OTOG: variants seen among roughly 807,000 people sequenced by gnomAD.
OTOG encodes the protein otogelin.
In OTOG, 296 loss-of-function variants were observed where a neutral mutation model predicts 313.8. That is an observed-to-expected ratio of 0.94 (90% CI 0.86 to 1.04). The LOEUF (loss-of-function observed/expected upper bound fraction) is 1.04. Among genes scored for constraint, OTOG ranks in the 50% least tolerant of loss-of-function variants. The pLI, the probability that OTOG is intolerant of heterozygous loss-of-function variation, is 0.00. For missense variants in OTOG, 3,948 were observed against 3,840.1 expected (o/e 1.03, Z -0.74); for synonymous variants, 1,533 against 1,554.9 (o/e 0.99, Z 0.33).
intron 53 of OTOG, among the ~76,000 whole-genome samples, 153 bp from the exon 54 acceptor site, chr11:17,643,308 T>A (rs1848010865): frequency 1.3e-5 from 2 of 152,242 alleles, no homozygotes; most frequent in Non-Finnish European, 2.9e-5. Context: ...GTGGCTCTCC[T>A]ATGGCCTGGC....
rs781354670 is a variant in OTOG, at chr11:17,591,563, G to T, written c.2981G>T (p.Gly994Val). ...GATGGGCTCCCGTTTGACTTCGTGG[G>T]GGCATGCAAAGTGCACCTGGTCAAG... Reference protein sequence around the residue: ...TFDGLPFDFVGACKVHLVKST... With the variant: ...TFDGLPFDFVVACKVHLVKST... Residue 994 changes from glycine (G) to valine (V), a missense_variant, in exon 25 of 56, where the codon GGG becomes GTG. Gly to Val is a moderately radical substitution (Grantham distance 109, BLOSUM62 -3). Coordinates refer to ENST00000399397, the MANE Select transcript of OTOG (RefSeq NM_001292063.2). 1.3e-6 allele frequency: 2 copies of T among 1,550,646 alleles called. No homozygotes were observed. Among genetic ancestry groups the T allele is most frequent in the South Asian group, 1.2e-5 (1 of 84,062 alleles).
At chr11:17,572,341 G>C in intron 18 of OTOG, 137 bp downstream of exon 18, 1 of 1,247,972 alleles carries the variant, frequency 8.0e-7, no homozygotes, top group Non-Finnish European at 1.1e-6. Flanking sequence ...GGAGCAGCAG[G>C]GAGGGGAAAG....
At chr11:17,577,314 G>A (rs1852552273) in intron 22 of OTOG, among the ~76,000 whole-genome samples, 1 of 152,196 alleles carries the variant, frequency 6.6e-6, no homozygotes, top group Non-Finnish European at 1.5e-5. Context: ...GAGGTAGGCA[G>A]GACAGCCTGG....
intron 24 of OTOG, among the ~76,000 whole-genome samples, chr11:17,590,999 AC>A (rs1852917870): frequency 1.3e-5 from 2 of 152,188 alleles, no homozygotes; most frequent in Non-Finnish European, 2.9e-5. Flanking sequence ...ACATACTTGC[AC>A]TGCCTTATTA....
At chr11:17,615,529 C>G (rs1370799743) in intron 39 of OTOG, among the ~76,000 whole-genome samples, 1 of 152,100 alleles carries the variant, frequency 6.6e-6, no homozygotes, top group African/African-American at 2.4e-5. Flanking sequence ...GTAAATGGTA[C>G]AAAGTATGAG....
intron 15 of OTOG, among the ~76,000 whole-genome samples, chr11:17,563,688 C>CTT (rs57937716): frequency 5.3e-5 from 8 of 150,002 alleles, no homozygotes; most frequent in African/African-American, 1.7e-4. Context: ...GAATCCCCCC[C>CTT]TTTTTTTTTG....
chr11:17,624,687 G>A (rs899974681), intron 39 of OTOG, among the ~76,000 whole-genome samples: 3 of 151,970 alleles, frequency 2.0e-5, no homozygotes, highest in Admixed American at 6.6e-5. Flanking sequence ...TTCTAGTTCT[G>A]TGAAGAATGT....
At chr11:17,601,152 C>A (rs947837989) in intron 31 of OTOG, among the ~76,000 whole-genome samples, 1 of 152,188 alleles carries the variant, frequency 6.6e-6, no homozygotes, top group Non-Finnish European at 1.5e-5. Flanking sequence ...CTGCTTGTCT[C>A]CCATCTAGTG....
At chr11:17,574,177 G>C (rs1024591478) in intron 19 of OTOG, among the ~76,000 whole-genome samples, 1 of 152,158 alleles carries the variant, frequency 6.6e-6, no homozygotes, top group African/African-American at 2.4e-5. Flanking sequence ...GGAGACTCTG[G>C]GGGGAGTGGG....
At chr11:17,609,575 T>C in intron 35 of OTOG, 80 bp from the exon 36 acceptor site, 1 of 1,289,608 alleles carries the variant, frequency 7.8e-7, no homozygotes, top group South Asian at 1.6e-5. Context: ...TCCTCAAGCC[T>C]CACACCACAG....
chr11:17,606,526 G>A (rs1418872030), intron 33 of OTOG, among the ~76,000 whole-genome samples: 1 of 152,198 alleles, frequency 6.6e-6, no homozygotes, highest in Non-Finnish European at 1.5e-5. Context: ...CTGCACAAGG[G>A]GGATAGGTCT....
intron 30 of OTOG, among the ~76,000 whole-genome samples, chr11:17,599,224 G>T (rs1853185211): frequency 6.6e-6 from 1 of 152,206 alleles, no homozygotes; most frequent in South Asian, 2.1e-4. Context: ...AGAAGCCGGG[G>T]ATGCTGGGGG....
At chr11:17,567,767 G>T (rs1852318000) in intron 15 of OTOG, among the ~76,000 whole-genome samples, 1 of 152,168 alleles carries the variant, frequency 6.6e-6, no homozygotes, top group Non-Finnish European at 1.5e-5. Flanking sequence ...CTTTTGCCTG[G>T]ATGTCTCCTT....
intron 6 of OTOG, among the ~76,000 whole-genome samples, chr11:17,554,928 T>C (rs1852021044): frequency 6.6e-6 from 1 of 152,192 alleles, no homozygotes; most frequent in South Asian, 2.1e-4. Context: ...TTTTGTAAAA[T>C]TTTTAGTTAT....
At chr11:17,635,859 A>G (rs1021933100) in intron 47 of OTOG, 148 bp downstream of exon 47, 11 of 669,870 alleles carry the variant, frequency 1.6e-5, no homozygotes, top group Admixed American at 1.6e-4. Context: ...ATCCAGGACG[A>G]GTGCAGGCCC....
At position 17,589,703 on chromosome 11, in the gene OTOG, C is replaced by T. The variant is rs140264277; in HGVS notation, c.2868-1747C>T. ...AAACTCCCTGAACACTTTTTCTATA[C>T]TTGCTGTTTCAACTTTCTGTTCTCC... is the stretch of plus-strand genomic sequence containing the variant. On this transcript the variant is annotated intron_variant, in intron 24 of 55. Coordinates refer to ENST00000399397, the MANE Select transcript of OTOG (RefSeq NM_001292063.2). Among the ~76,000 whole-genome samples, 861 of 152,304 alleles carry T rather than the reference C, an allele frequency of 5.7e-3. 10 individuals carry two copies. Among genetic ancestry groups the T allele is most frequent in the African/African-American group, 0.019 (810 of 41,558 alleles).
At chr11:17,588,007 A>G (rs1279392593) in intron 24 of OTOG, among the ~76,000 whole-genome samples, 4 of 152,112 alleles carry the variant, frequency 2.6e-5, no homozygotes, top group Non-Finnish European at 5.9e-5. Flanking sequence ...CTGTGAGTGC[A>G]TTGTGCTCAG....
At chr11:17,587,366 G>T (rs1175007212) in intron 24 of OTOG, among the ~76,000 whole-genome samples, 6 of 152,226 alleles carry the variant, frequency 3.9e-5, no homozygotes, top group African/African-American at 1.4e-4. Flanking sequence ...GGGGGACGGG[G>T]TGAGGAACGA....
chr11:17,562,834 C>T (rs1852218425), intron 15 of OTOG, among the ~76,000 whole-genome samples: 1 of 152,136 alleles, frequency 6.6e-6, no homozygotes, highest in African/African-American at 2.4e-5. Flanking sequence ...CTTCTGCAAA[C>T]ATTGAATACC....
Sources: allele counts gnomAD v4.1 joint callset (sites outside exome capture counted in the v4.1 genomes callset), GRCh38; gene constraint gnomAD v4.1.1; transcripts MANE v1.5; gene names NCBI Gene and HGNC (gene_info 2026-07-23, HGNC 2026-07-21).